Variants in ZBTB42 observed in about 807,000 individuals in gnomAD.
ZBTB42 encodes the protein zinc finger and BTB domain containing 42.
Under a neutral mutation model 4.7 loss-of-function variants are expected in ZBTB42, and 3 were observed. That is an observed-to-expected ratio of 0.64 (90% CI 0.29 to 1.66). The LOEUF (loss-of-function observed/expected upper bound fraction) is 1.66. Ranked by LOEUF, ZBTB42 falls within the 40% of genes most tolerant of loss-of-function variation. ZBTB42 has a pLI of 0.10. For synonymous variants in ZBTB42, 255 were observed against 259.5 expected, an observed-to-expected ratio of 0.98 and a Z score of 0.17; for missense variants, 521 against 577.1, an observed-to-expected ratio of 0.90 and a Z score of 1.00.
rs1328442507 is a variant in ZBTB42, at chr14:104,801,521, TG to T, written c.325del (p.Asp109ThrfsTer84). On this transcript the variant is annotated frameshift_variant, in exon 1 of 1. Coordinates refer to ENST00000342537, the MANE Select transcript of ZBTB42 (RefSeq NM_001137601.3). LOFTEE classifies it low-confidence loss of function (END_TRUNC). The surrounding 1 kb of genome is among the most constrained non-coding windows in gnomAD (Gnocchi z 4.4). ...LAAASYLHMY[D>X]IVKVCKGRLQ... ...CAGCCGCCAGCTACCTGCACATGTA[TG>T]ACATCGTCAAGGTCTGCAAGGGCAG... is the stretch of plus-strand genomic sequence containing the variant. 7 of 1,550,058 alleles carry T rather than the reference TG, an allele frequency of 4.5e-6. No individual in the cohort carries two copies. Among genetic ancestry groups the T allele is most frequent in the Non-Finnish European group, 6.1e-6 (7 of 1,146,910 alleles).
chr14:104,801,122 G>T lies in ZBTB42; in HGVS notation c.-76G>T. 7.3e-7 allele frequency: 1 copy of T among 1,375,118 alleles called. No homozygotes were observed. Among genetic ancestry groups the T allele is most frequent in the Non-Finnish European group, 9.3e-7 (1 of 1,070,600 alleles). 85.2% of individuals were successfully genotyped at this position (1,375,118 alleles called of 1,614,324 possible). ...CGCTCTTTCCGCGCTGCCTGCAGCCGGGAAGGGCGCTTCGTGGGCGCCTCC... is the reference window on the plus strand; with the variant it reads ...CGCTCTTTCCGCGCTGCCTGCAGCCTGGAAGGGCGCTTCGTGGGCGCCTCC... On this transcript the variant is annotated 5_prime_UTR_variant, in exon 1 of 1. Transcript: ENST00000342537. The surrounding 1 kb of genome is among the most constrained non-coding windows in gnomAD (Gnocchi z 4.4).
Position 104,802,285 on chromosome 14 carries a change from C to G in ZBTB42, c.1088C>G (p.Thr363Arg), listed in dbSNP as rs577534064. Residue 363 changes from threonine (T) to arginine (R), a missense_variant, in exon 1 of 1, where the codon ACG (threonine) becomes AGG (arginine). Thr to Arg is a moderately conservative substitution (Grantham distance 71, BLOSUM62 -1). Coordinates refer to ENST00000342537, the MANE Select transcript of ZBTB42 (RefSeq NM_001137601.3). This position sits in a 1 kb window ranked among gnomAD's most constrained non-coding sequence, Gnocchi z 5.9. ...ERTHSGEKPY[T>R]CVQCGKSFQY... is the part of the protein sequence containing the mutation. ...ACACACTCGGGTGAGAAGCCCTATA[C>G]GTGTGTGCAGTGTGGCAAAAGTTTT... 90 of 1,550,428 alleles carry G rather than the reference C, an allele frequency of 5.8e-5. No homozygotes were observed. In the African/African-American group the frequency reaches 1.2e-3, roughly 20 times the overall value.
At position 104,802,831 on chromosome 14, in the gene ZBTB42, A is replaced by G. The variant is rs1038930781; in HGVS notation, c.*365A>G. ...TTTCTCCGTGTGAGATGGCACATCC[A>G]TCTCCCGGCCCGGGACTTTCCTGAC... On this transcript the variant is annotated 3_prime_UTR_variant, in exon 1 of 1. Coordinates refer to ENST00000342537, the MANE Select transcript of ZBTB42 (RefSeq NM_001137601.3). This position sits in a 1 kb window ranked among gnomAD's most constrained non-coding sequence, Gnocchi z 5.9. 1 of 314,776 alleles carries G rather than the reference A, an allele frequency of 3.2e-6. No homozygotes were observed. The highest frequency in any genetic ancestry group is 2.2e-5 in the African/African-American group (1 of 45,976). 19.5% of individuals were successfully genotyped at this position (314,776 alleles called of 1,614,324 possible). A position where few individuals can be genotyped will look rare whatever the true frequency, so the allele number is the denominator to read the frequency against.
rs777525825 is a variant in ZBTB42, at chr14:104,802,063, C to T, written c.866C>T (p.Pro289Leu). Residue 289 changes from proline (P) to leucine (L), a missense_variant, in exon 1 of 1, where the codon CCT (proline) becomes CTT (leucine). Physicochemically the swap from Pro to Leu is moderately conservative, Grantham distance 98. Coordinates refer to ENST00000342537, the MANE Select transcript of ZBTB42 (RefSeq NM_001137601.3). This position sits in a 1 kb window ranked among gnomAD's most constrained non-coding sequence, Gnocchi z 5.9. ...CTGGCGAGTGAGGACGAGCTGGGGC[C>T]TGGTGGGCCCCTCTGCATCTGCCCG... is the stretch of plus-strand genomic sequence containing the variant. ...GRLASEDELG[P>L]GGPLCICPLC... 6.7e-7 allele frequency: 1 copy of T among 1,501,658 alleles called. No homozygotes were observed. The highest frequency in any genetic ancestry group is 1.3e-5 in the South Asian group (1 of 78,846). 93.0% of individuals were successfully genotyped at this position (1,501,658 alleles called of 1,614,324 possible).
At position 104,801,227 on chromosome 14, in the gene ZBTB42, G is replaced by T; in HGVS notation, c.30G>T (p.Leu10=). 6.8e-7 allele frequency: 1 copy of T among 1,462,122 alleles called. No individual in the cohort carries two copies. 90.6% of individuals were successfully genotyped at this position (1,462,122 alleles called of 1,614,324 possible). The stretch of plus-strand genomic sequence containing the variant: ...AGTTCCCTGAGCACGGCGGACGGCT[G>T]CTGGGCCGCCTGAGACAGCAGCGCG... MEFPEHGGR[L]LGRLRQQREL... Residue 10 remains leucine (L), a synonymous_variant, in exon 1 of 1, where the codon CTG becomes CTT. Coordinates refer to ENST00000342537, the MANE Select transcript of ZBTB42 (RefSeq NM_001137601.3). This position sits in a 1 kb window ranked among gnomAD's most constrained non-coding sequence, Gnocchi z 4.4.
In ZBTB42 at chr14:104,801,135, C is replaced by T. The variant is rs1212469295; in HGVS notation, c.-63C>T. On this transcript the variant is annotated 5_prime_UTR_variant, in exon 1 of 1. Coordinates refer to ENST00000342537, the MANE Select transcript of ZBTB42 (RefSeq NM_001137601.3). This position sits in a 1 kb window ranked among gnomAD's most constrained non-coding sequence, Gnocchi z 4.4. ...CTGCCTGCAGCCGGGAAGGGCGCTTCGTGGGCGCCTCCAGGCGCGCTGACG... is the reference window on the plus strand; with the variant it reads ...CTGCCTGCAGCCGGGAAGGGCGCTTTGTGGGCGCCTCCAGGCGCGCTGACG... 31 of 1,377,906 alleles carry T rather than the reference C, an allele frequency of 2.2e-5. No individual in the cohort carries two copies. The highest frequency in any genetic ancestry group is 2.8e-5 in the Non-Finnish European group (30 of 1,071,966). The allele number at this position is 1,377,906 out of a possible 1,614,324, so 85.4% of individuals were successfully genotyped here.
In ZBTB42 at chr14:104,804,394, AAGG is replaced by A; in HGVS notation, c.*1931_*1933del. The A allele has an allele frequency of 6.0e-6, 1 of 166,988 alleles. No individual in the cohort carries two copies. Among genetic ancestry groups the A allele is most frequent in the East Asian group, 1.9e-4 (1 of 5,188 alleles). 10.3% of individuals were successfully genotyped at this position (166,988 alleles called of 1,614,324 possible). A position where few individuals can be genotyped will look rare whatever the true frequency, so the allele number is the denominator to read the frequency against. On this transcript the variant is annotated 3_prime_UTR_variant, in exon 1 of 1. Transcript: ENST00000342537. The stretch of plus-strand genomic sequence containing the variant: ...TGCACAGCTACTGTGAAGATAACGT[AAGG>A]AGAAGTGGTCAGTTTTCATTTTATA...
rs1328629264 is a variant in ZBTB42, at chr14:104,801,173, G to A, written c.-25G>A. ...AGGCGCGCTGACGGGCGTCCCGTTT[G>A]TGCCCAGGTGATGACGGCGGCGGCA... On this transcript the variant is annotated 5_prime_UTR_variant, in exon 1 of 1. The change creates a new upstream start codon in the 5' untranslated region. Transcript: ENST00000342537. The surrounding 1 kb of genome is among the most constrained non-coding windows in gnomAD (Gnocchi z 4.4). The A allele has an allele frequency of 1.4e-6, 2 of 1,400,056 alleles. No individual in the cohort carries two copies. Among genetic ancestry groups the A allele is most frequent in the Non-Finnish European group, 1.8e-6 (2 of 1,082,662 alleles). 86.7% of individuals were successfully genotyped at this position (1,400,056 alleles called of 1,614,324 possible).
rs1272708858 is a variant in ZBTB42, at chr14:104,803,539, G to A, written c.*1073G>A. 3 of 166,936 alleles carry A rather than the reference G, an allele frequency of 1.8e-5. No individual in the cohort carries two copies. Among genetic ancestry groups the A allele is most frequent in the East Asian group, 1.9e-4 (1 of 5,204 alleles). The allele number at this position is 166,936 out of a possible 1,614,324, so 10.3% of individuals were successfully genotyped here. ...GGTTTGCGGGCCTTCCTTTCCCCAC[G>A]GCGAGGCATGGGTGAAAGTGGCCAT... On this transcript the variant is annotated 3_prime_UTR_variant, in exon 1 of 1. Transcript: ENST00000342537.
rs1443738054 is a variant in ZBTB42 at position 104,801,835 on chromosome 14, G to T, written c.638G>T (p.Ser213Ile). Residue 213 changes from serine to isoleucine, a missense_variant, in exon 1 of 1, where the codon AGC (serine) becomes ATC (isoleucine). Ser to Ile is a moderately radical substitution (Grantham distance 142). Coordinates refer to ENST00000342537, the MANE Select transcript of ZBTB42 (RefSeq NM_001137601.3). This position sits in a 1 kb window ranked among gnomAD's most constrained non-coding sequence, Gnocchi z 4.4. ...TGCGTCCTCCAGACACCCCTCTGCA[G>T]CCAGAGGCAGCCAGGGGCCCAGCCA... is the stretch of plus-strand genomic sequence containing the variant. ...PPCVLQTPLC[S>I]QRQPGAQPLV... 10 of 1,550,012 alleles carry T rather than the reference G, an allele frequency of 6.5e-6. No homozygotes were observed. In the Admixed American group the frequency reaches 2.0e-4, roughly 30 times the overall value.
At position 104,803,260 on chromosome 14, in the gene ZBTB42, A is replaced by G. The variant is rs1894095771; in HGVS notation, c.*794A>G. 1.2e-5 allele frequency: 2 copies of G among 166,980 alleles called. No individual in the cohort carries two copies. Among genetic ancestry groups the G allele is most frequent in the African/African-American group, 4.8e-5 (2 of 41,462 alleles). 10.3% of individuals were successfully genotyped at this position (166,980 alleles called of 1,614,324 possible). A position where few individuals can be genotyped will look rare whatever the true frequency, so the allele number is the denominator to read the frequency against. Reference sequence around the variant, plus strand: ...GAACTGGATTCTCTTTAGAGCCAGGAAGAGCCTCCTGAGGCGGCCAGATGT... The same window carrying G: ...GAACTGGATTCTCTTTAGAGCCAGGGAGAGCCTCCTGAGGCGGCCAGATGT... On this transcript the variant is annotated 3_prime_UTR_variant, in exon 1 of 1. Coordinates refer to ENST00000342537, the MANE Select transcript of ZBTB42 (RefSeq NM_001137601.3).
upstream of ZBTB42, chr14:104,801,083 C>G: frequency 7.6e-7 from 1 of 1,321,766 alleles, no homozygotes. This position sits in a 1 kb window ranked among gnomAD's most constrained non-coding sequence, Gnocchi z 4.4. Flanking sequence ...AGGTTGCGCG[C>G]GTCACTCCCG....
In ZBTB42 at chr14:104,802,191, G is replaced by C; in HGVS notation, c.994G>C (p.Val332Leu). 1 of 1,549,766 alleles carries C rather than the reference G, an allele frequency of 6.5e-7. No individual in the cohort carries two copies. Among genetic ancestry groups the C allele is most frequent in the South Asian group, 1.2e-5 (1 of 84,068 alleles). ...CCGGGCCCGGCTCTCACCCGACGGC[G>C]TGGCACCCACCTGCCCGCTCTGTGG... is the stretch of plus-strand genomic sequence containing the variant. ...STRARLSPDG[V>L]APTCPLCGKT... Residue 332 changes from valine (V) to leucine (L), a missense_variant, in exon 1 of 1, where the codon GTG becomes CTG. Coordinates refer to ENST00000342537, the MANE Select transcript of ZBTB42 (RefSeq NM_001137601.3). This position sits in a 1 kb window ranked among gnomAD's most constrained non-coding sequence, Gnocchi z 5.9.
Position 104,801,101 on chromosome 14 carries a change from C to T in ZBTB42, c.-97C>T. 1 of 1,367,468 alleles carries T rather than the reference C, an allele frequency of 7.3e-7. No individual in the cohort carries two copies. The highest frequency in any genetic ancestry group is 3.0e-5 in the East Asian group (1 of 33,792). 84.7% of individuals were successfully genotyped at this position (1,367,468 alleles called of 1,614,324 possible). A position where few individuals can be genotyped will look rare whatever the true frequency, so the allele number is the denominator to read the frequency against. ...TTGCGCGCGTCACTCCCGCGCCGCT[C>T]TTTCCGCGCTGCCTGCAGCCGGGAA... On this transcript the variant is annotated 5_prime_UTR_variant, in exon 1 of 1. Coordinates refer to ENST00000342537, the MANE Select transcript of ZBTB42 (RefSeq NM_001137601.3). This position sits in a 1 kb window ranked among gnomAD's most constrained non-coding sequence, Gnocchi z 4.4.
At position 104,802,326 on chromosome 14, in the gene ZBTB42, C is replaced by T. The variant is rs1427448384; in HGVS notation, c.1129C>T (p.Leu377=). ...CAAAAGTTTTCAGTACTCCCACAAC[C>T]TGAGCCGGCACACCGTAGTGCACAC... ...CGKSFQYSHN[L]SRHTVVHTRE... The change falls in exon 1 of 1, where the codon CTG becomes TTG. Residue 377 remains leucine (L), a synonymous_variant. Transcript: ENST00000342537. The surrounding 1 kb of genome is among the most constrained non-coding windows in gnomAD (Gnocchi z 5.9). 1 of 1,550,488 alleles carries T rather than the reference C, an allele frequency of 6.4e-7. No homozygotes were observed. The highest frequency in any genetic ancestry group is 2.0e-5 in the Admixed American group (1 of 51,012).
rs1254312360 is a variant in ZBTB42, at chr14:104,803,868, A to G, written c.*1402A>G. 1.2e-5 allele frequency: 2 copies of G among 166,694 alleles called. No individual in the cohort carries two copies. Among genetic ancestry groups the G allele is most frequent in the African/African-American group, 4.8e-5 (2 of 41,400 alleles). The allele number at this position is 166,694 out of a possible 1,614,324, so 10.3% of individuals were successfully genotyped here. On this transcript the variant is annotated 3_prime_UTR_variant, in exon 1 of 1. Transcript: ENST00000342537. ...AACAGAGTCCAGCCAAGTCTACGTT[A>G]TTTTCTCATCTCCTGACAACACTGG...
upstream of ZBTB42, chr14:104,800,966 T>C (rs1007556949): frequency 1.4e-5 from 6 of 430,802 alleles, no homozygotes; most frequent in Non-Finnish European, 2.4e-5. This position sits in a 1 kb window ranked among gnomAD's most constrained non-coding sequence, Gnocchi z 5.3. Context: ...CGGCTCCGGC[T>C]CCTGCGCCTG....
chr14:104,800,998 G>C, upstream of ZBTB42: 1 of 546,692 alleles, frequency 1.8e-6, no homozygotes, highest in Non-Finnish European at 2.8e-6. The surrounding 1 kb of genome is among the most constrained non-coding windows in gnomAD (Gnocchi z 5.3). Context: ...CCGCCCCCGC[G>C]GCGGAGCTGC....
In ZBTB42 at chr14:104,803,071, TGG is replaced by T. The variant is rs796904752; in HGVS notation, c.*615_*616del. 67 of 77,724 alleles carry T rather than the reference TGG, an allele frequency of 8.6e-4. No homozygotes were observed. The highest frequency in any genetic ancestry group is 6.3e-5 in the African/African-American group (1 of 15,870). The allele number at this position is 77,724 out of a possible 1,614,324, so 4.8% of individuals were successfully genotyped here. A position where few individuals can be genotyped will look rare whatever the true frequency, so the allele number is the denominator to read the frequency against. ...TCTGGGCACAGCTGGTGTCTCGGGG[TGG>T]GGGGGGGGGTGCAGCCCCAGCAGGG... On this transcript the variant is annotated 3_prime_UTR_variant, in exon 1 of 1. Coordinates refer to ENST00000342537, the MANE Select transcript of ZBTB42 (RefSeq NM_001137601.3).
Sources: allele counts gnomAD v4.1 joint callset, GRCh38; gene constraint gnomAD v4.1.1; non-coding constraint Gnocchi (gnomAD v3.1); transcripts MANE v1.5; gene names NCBI Gene and HGNC (gene_info 2026-07-23, HGNC 2026-07-21).